Variants in BAG6 observed in about 807,000 individuals in gnomAD.
The protein encoded by BAG6 is BAG cochaperone 6.
A neutral mutation model predicts 121.0 loss-of-function variants in BAG6; 22 were observed. The observed-to-expected ratio is 0.18, with a 90% confidence interval of 0.13 to 0.26. BAG6 has a LOEUF of 0.26. Among genes scored for constraint, BAG6 ranks in the 10% least tolerant of loss-of-function variants. The pLI is 1.00. For missense variants in BAG6, 1,233 were observed against 1,537.7 expected (o/e 0.80, Z 3.31); for synonymous variants, 583 against 584.6 (o/e 1.00, Z 0.04).
At chr6:31,643,769 C>CACTA (rs1785574581) in intron 14 of BAG6, 121 bp downstream of exon 14, 1 of 545,428 alleles carries the variant, frequency 1.8e-6, no homozygotes, top group African/African-American at 2.5e-5. Flanking sequence ...AGACACAAGA[C>CACTA]ACTACAGCAG....
rs1782617736 is a variant in BAG6, at chr6:31,641,442, A to G, written c.2560-20T>C. On this transcript the variant is annotated intron_variant, in intron 18 of 25. Coordinates refer to ENST00000676615, the MANE Select transcript of BAG6 (RefSeq NM_001387994.1). This position sits in a 1 kb window ranked among gnomAD's most constrained non-coding sequence, Gnocchi z 5.7. ...CAAGGACTGAGAGACAAGATAACAC[A>G]AAGATCCCAAAATCAAGAATCATAA... The G allele has an allele frequency of 1.2e-6, 2 of 1,614,064 alleles. No homozygotes were observed. Among genetic ancestry groups the G allele is most frequent in the East Asian group, 2.2e-5 (1 of 44,884 alleles).
intron 7 of BAG6, among the ~76,000 whole-genome samples, chr6:31,646,837 G>A (rs1378379273): frequency 1.5e-5 from 2 of 136,546 alleles, no homozygotes; most frequent in African/African-American, 2.7e-5. Context: ...GCAGTGGTGC[G>A]ACCTCAGCTC....
intron 2 of BAG6, among the ~76,000 whole-genome samples, chr6:31,651,126 C>T: frequency 6.6e-6 from 1 of 152,248 alleles, no homozygotes; most frequent in Middle Eastern, 3.2e-3. Context: ...CAGATTCTTC[C>T]TTCCTCTGTA....
In BAG6 at chr6:31,640,321, A is replaced by G; in HGVS notation, c.3139-15T>C. The G allele has an allele frequency of 6.2e-7, 1 of 1,614,182 alleles. No individual in the cohort carries two copies. Among genetic ancestry groups the G allele is most frequent in the South Asian group, 1.1e-5 (1 of 91,078 alleles). On this transcript the variant is annotated splice_polypyrimidine_tract_variant and intron_variant, in intron 23 of 25. Transcript: ENST00000676615. This position sits in a 1 kb window ranked among gnomAD's most constrained non-coding sequence, Gnocchi z 4.2. ...GGGACCCATTCCTGGGGAGGAAAAGAGAAAATAGTAATGTCCTTGACTTTC... is the reference window on the plus strand; with the variant it reads ...GGGACCCATTCCTGGGGAGGAAAAGGGAAAATAGTAATGTCCTTGACTTTC...
Position 31,640,147 on chromosome 6 carries a change from A to G in BAG6, c.3246+52T>C. 2 of 1,556,012 alleles carry G rather than the reference A, an allele frequency of 1.3e-6. No homozygotes were observed. The highest frequency in any genetic ancestry group is 1.8e-6 in the Non-Finnish European group (2 of 1,128,740). On this transcript the variant is annotated intron_variant, in intron 24 of 25. Transcript: ENST00000676615. The surrounding 1 kb of genome is among the most constrained non-coding windows in gnomAD (Gnocchi z 4.2). ...ATCTCTACATAGTTTGATTCCAGGCATGACGGGGAAACCTGGATAGAGAGA... is the reference window on the plus strand; with the variant it reads ...ATCTCTACATAGTTTGATTCCAGGCGTGACGGGGAAACCTGGATAGAGAGA...
rs569047425 is a variant in BAG6 at position 31,644,413 on chromosome 6, G to C, written c.1449C>G (p.Gly483=). The C allele has an allele frequency of 6.4e-7, 1 of 1,551,414 alleles. No homozygotes were observed. Among genetic ancestry groups the C allele is most frequent in the Non-Finnish European group, 8.7e-7 (1 of 1,147,270 alleles). ...LGPPGHGQTL[G]STLIQLPSLP... is the part of the protein sequence containing the mutation. Reference sequence around the variant, plus strand: ...GGGAGGGCAGCTGGATGAGGGTGGAGCCTGGGGGGCGGGTCTGATGTAACC... The same window carrying C: ...GGGAGGGCAGCTGGATGAGGGTGGACCCTGGGGGGCGGGTCTGATGTAACC... The change falls in exon 12 of 26, where the codon GGC becomes GGG. Residue 483 remains glycine, a splice_region_variant and synonymous_variant. Transcript: ENST00000676615. This position sits in a 1 kb window ranked among gnomAD's most constrained non-coding sequence, Gnocchi z 4.9.
In BAG6 at chr6:31,644,973, C is replaced by G; in HGVS notation, c.1342G>C (p.Val448Leu). ...TGAATGTTCATGTGCATCATGACCA[C>G]GGGTTCCACACTCTGGTGGGAAATC... ...IRISHQSVEP[V>L]VMMHMNIQDS... The change falls in exon 10 of 26, where the codon GTG (valine) becomes CTG (leucine). Residue 448 changes from valine (V) to leucine (L), a missense_variant. This residue lies in a region of BAG6 where 777 missense variants were observed against 861.4 expected (regional missense o/e 0.90). Transcript: ENST00000676615. The surrounding 1 kb of genome is among the most constrained non-coding windows in gnomAD (Gnocchi z 4.9). 1 of 1,597,516 alleles carries G rather than the reference C, an allele frequency of 6.3e-7. No homozygotes were observed. The highest frequency in any genetic ancestry group is 8.5e-7 in the Non-Finnish European group (1 of 1,171,222).
chr6:31,650,750 C>A (rs1473193260), intron 2 of BAG6, among the ~76,000 whole-genome samples: 1 of 151,848 alleles, frequency 6.6e-6, no homozygotes, highest in Non-Finnish European at 1.5e-5. Flanking sequence ...TTATATACAT[C>A]TAATCACAAG....
intron 2 of BAG6, among the ~76,000 whole-genome samples, chr6:31,650,262 T>G (rs1038288843): frequency 6.6e-6 from 1 of 152,092 alleles, no homozygotes; most frequent in Non-Finnish European, 1.5e-5. Context: ...AAACACAAGA[T>G]GATACCAGTT....
Position 31,651,767 on chromosome 6 carries a change from C to T in BAG6, c.-4G>A, listed in dbSNP as rs747893973. 1.9e-6 allele frequency: 3 copies of T among 1,612,538 alleles called. No individual in the cohort carries two copies. The highest frequency in any genetic ancestry group is 1.7e-4 in the Middle Eastern group (1 of 6,050). On this transcript the variant is annotated 5_prime_UTR_variant, in exon 2 of 26. Transcript: ENST00000676615. ...TGGTACTATCATTAGGCTCCATGGC[C>T]GACAGGTCTCTAAAGAAGAACGAAG... is the stretch of plus-strand genomic sequence containing the variant.
rs1442666384 is a variant in BAG6, at chr6:31,642,998, G to A, written c.1874C>T (p.Pro625Leu). Residue 625 changes from proline (P) to leucine (L), a missense_variant, in exon 15 of 26, where the codon CCA (proline) becomes CTA (leucine). Coordinates refer to ENST00000676615, the MANE Select transcript of BAG6 (RefSeq NM_001387994.1). ...AGCCATGGAGGGTTGAGGGGTGGGT[G>A]GAGGCTGGGCAGGCCCCCCAGGAGC... ...GPAPGGPAQP[P>L]PTPQPSMADL... 6.3e-7 allele frequency: 1 copy of A among 1,594,840 alleles called. No homozygotes were observed. The highest frequency in any genetic ancestry group is 8.5e-7 in the Non-Finnish European group (1 of 1,171,736).
Position 31,645,022 on chromosome 6 carries a change from G to A in BAG6, c.1293C>T (p.Ala431=), listed in dbSNP as rs763745059. The change falls in exon 10 of 26, where the codon GCC becomes GCT. Residue 431 remains alanine (A), a synonymous_variant. Transcript: ENST00000676615. ...APPPGPAPPP[A]TSHPRVIRIS... is the part of the protein sequence containing the mutation. ...TCCGGATGACCCTCGGGTGGCTGGT[G>A]GCTGGCGGGGGAGCTGGACCTGGCG... 3.7e-6 allele frequency: 6 copies of A among 1,611,900 alleles called. No homozygotes were observed. Among genetic ancestry groups the A allele is most frequent in the South Asian group, 1.1e-5 (1 of 90,998 alleles).
rs377128262 is a variant in BAG6 at position 31,648,895 on chromosome 6, G to C, written c.477+16C>G. On this transcript the variant is annotated intron_variant, in intron 5 of 25. Transcript: ENST00000676615. ...TCCCAGATCCCCTTCCCTGACCCTC[G>C]GAGGCCCCTCAATACCTGAATCGGG... 9 of 1,544,728 alleles carry C rather than the reference G, an allele frequency of 5.8e-6. No individual in the cohort carries two copies. The highest frequency in any genetic ancestry group is 7.9e-6 in the Non-Finnish European group (9 of 1,146,332).
At position 31,642,786 on chromosome 6, in the gene BAG6, C is replaced by T. The variant is rs777853809; in HGVS notation, c.2043+43G>A. ...AGAAGGTACCACTGCCTGGCTGGGC[C>T]GGGGGACAGGAAGATGAGGTGAATG... On this transcript the variant is annotated intron_variant, in intron 15 of 25. Coordinates refer to ENST00000676615, the MANE Select transcript of BAG6 (RefSeq NM_001387994.1). 10 of 1,597,784 alleles carry T rather than the reference C, an allele frequency of 6.3e-6. No individual in the cohort carries two copies. The African/African-American group carries it at 1.1e-4, about 17-fold the overall frequency.
chr6:31,650,827 C>T (rs1795779178), intron 2 of BAG6, among the ~76,000 whole-genome samples: 1 of 152,136 alleles, frequency 6.6e-6, no homozygotes, highest in Non-Finnish European at 1.5e-5. Context: ...ACCCCACATG[C>T]AATTTGTCTC....
chr6:31,641,796 G>T lies in BAG6; in HGVS notation c.2485C>A (p.Pro829Thr). The T allele has an allele frequency of 6.2e-7, 1 of 1,613,160 alleles. No individual in the cohort carries two copies. Reference sequence around the variant, plus strand: ...TTTACCCGGATGTTACTGGGTGTGGGCTCCTGACCACCCAGGTAGTGCTGG... The same window carrying T: ...TTTACCCGGATGTTACTGGGTGTGGTCTCCTGACCACCCAGGTAGTGCTGG... ...FHQHYLGGQE[P>T]TPSNIRMATH... Residue 829 changes from proline to threonine, a missense_variant, in exon 17 of 26, where the codon CCC becomes ACC. By Grantham distance (38) the Pro-to-Thr change is conservative. Coordinates refer to ENST00000676615, the MANE Select transcript of BAG6 (RefSeq NM_001387994.1). This position sits in a 1 kb window ranked among gnomAD's most constrained non-coding sequence, Gnocchi z 5.7.
Position 31,643,815 on chromosome 6 carries a change from GA to G in BAG6, c.1756+74del. ...GGAAAGCAGGAACCAAGAAAATATGGAAAGAACTGGAAAGTGCCAGTGAGCA... is the reference window on the plus strand; with the variant it reads ...GGAAAGCAGGAACCAAGAAAATATGGAAGAACTGGAAAGTGCCAGTGAGCA... On this transcript the variant is annotated intron_variant, in intron 14 of 25. Coordinates refer to ENST00000676615, the MANE Select transcript of BAG6 (RefSeq NM_001387994.1). 3 of 1,433,866 alleles carry G rather than the reference GA, an allele frequency of 2.1e-6. No homozygotes were observed. The South Asian group carries it at 3.6e-5, about 17-fold the overall frequency. The allele number at this position is 1,433,866 out of a possible 1,614,324, so 88.8% of individuals were successfully genotyped here.
chr6:31,648,766 G>A lies in BAG6; in HGVS notation c.478-15C>T. 1 of 1,613,852 alleles carries A rather than the reference G, an allele frequency of 6.2e-7. No individual in the cohort carries two copies. The highest frequency in any genetic ancestry group is 1.1e-5 in the South Asian group (1 of 91,040). ...CGGGGCTCACTCTACAATGAGAGAA[G>A]GTTTATCAGGGTAGGTTACAGATGA... is the stretch of plus-strand genomic sequence containing the variant. On this transcript the variant is annotated splice_polypyrimidine_tract_variant and intron_variant, in intron 5 of 25. Coordinates refer to ENST00000676615, the MANE Select transcript of BAG6 (RefSeq NM_001387994.1).
At chr6:31,647,906 G>A in intron 6 of BAG6, 80 bp from the exon 7 acceptor site, 1 of 1,439,980 alleles carries the variant, frequency 6.9e-7, no homozygotes. Context: ...ACTGAACAGA[G>A]AAAGTATCCT....
Sources: allele counts gnomAD v4.1 joint callset (sites outside exome capture counted in the v4.1 genomes callset), GRCh38; gene constraint gnomAD v4.1.1; regional missense constraint gnomAD v4.1.1; non-coding constraint Gnocchi (gnomAD v3.1); transcripts MANE v1.5; gene names NCBI Gene and HGNC (gene_info 2026-07-23, HGNC 2026-07-21).